The following FGF12 variants were observed in gnomAD, a reference collection of about 807,000 sequenced individuals.
FGF12 encodes the protein fibroblast growth factor 12.
FGF12 carries 14 observed loss-of-function variants against 23.6 expected under a neutral mutation model. The ratio of observed to expected loss-of-function variants is 0.59; its 90% CI spans 0.39 to 0.93. FGF12 has a LOEUF of 0.93. Among genes scored for constraint, FGF12 ranks in the 40% least tolerant of loss-of-function variants. The pLI is 0.00. For missense variants in FGF12, 175 were observed against 217.8 expected, an observed-to-expected ratio of 0.80 and a Z score of 1.24; for synonymous variants, 62 against 77.3, an observed-to-expected ratio of 0.80 and a Z score of 1.04.
chr3:192,596,230 T>C (rs1374399040), intron 2 of FGF12, among the ~76,000 whole-genome samples: 1 of 151,690 alleles, frequency 6.6e-6, no homozygotes. Flanking sequence ...CTGATGATAT[T>C]GAAAACAATG....
intron 2 of FGF12, among the ~76,000 whole-genome samples, chr3:192,397,482 GC>G (rs966591003): frequency 6.6e-6 from 1 of 152,124 alleles, no homozygotes; most frequent in Non-Finnish European, 1.5e-5. Context: ...TCTTCTCCTA[GC>G]TAGAGTCGAG....
chr3:192,286,512 C>G (rs192094980), intron 4 of FGF12, among the ~76,000 whole-genome samples: 21 of 152,024 alleles, frequency 1.4e-4, no homozygotes, highest in African/African-American at 4.8e-4. Context: ...GGGATCATGA[C>G]CAGTTTTGGT....
intron 4 of FGF12, among the ~76,000 whole-genome samples, chr3:192,221,289 TA>T (rs1718462705): frequency 6.6e-6 from 1 of 152,184 alleles, no homozygotes; most frequent in African/African-American, 2.4e-5. Flanking sequence ...CTTCTCACCT[TA>T]AAGCCACAAA....
At chr3:192,281,058 C>T (rs1714113003) in intron 4 of FGF12, among the ~76,000 whole-genome samples, 1 of 152,158 alleles carries the variant, frequency 6.6e-6, no homozygotes, top group Non-Finnish European at 1.5e-5. Context: ...TGCAGTCTCT[C>T]ACATTCAGTG....
At chr3:192,244,413 A>G (rs1253074135) in intron 4 of FGF12, among the ~76,000 whole-genome samples, 2 of 152,184 alleles carry the variant, frequency 1.3e-5, no homozygotes, top group African/African-American at 4.8e-5. Context: ...AGAAATATTA[A>G]GTGGAAAGAG....
chr3:192,698,796 C>T (rs1718205627), intron 2 of FGF12, among the ~76,000 whole-genome samples: 1 of 152,118 alleles, frequency 6.6e-6, no homozygotes, highest in Admixed American at 6.5e-5. Context: ...GGTCAAATAG[C>T]AACAGATCTT....
intron 2 of FGF12, among the ~76,000 whole-genome samples, chr3:192,494,452 T>C (rs1723888073): frequency 6.6e-6 from 1 of 152,208 alleles, no homozygotes; most frequent in Non-Finnish European, 1.5e-5. Flanking sequence ...CTCAAAATCA[T>C]CAGACCATCA....
At chr3:192,191,746 G>A (rs1483584210) in intron 4 of FGF12, among the ~76,000 whole-genome samples, 1 of 151,706 alleles carries the variant, frequency 6.6e-6, no homozygotes, top group South Asian at 2.1e-4. Context: ...TGAGGCAGGA[G>A]AATGGCACGA....
intron 2 of FGF12, among the ~76,000 whole-genome samples, chr3:192,422,030 T>C (rs1427770778): frequency 5.4e-5 from 1 of 18,406 alleles, no homozygotes. Context: ...GGTTTTTGCT[T>C]TAGTTTATTT....
chr3:192,706,439 C>G (rs1047669540), intron 2 of FGF12, among the ~76,000 whole-genome samples: 1 of 152,068 alleles, frequency 6.6e-6, no homozygotes, highest in Non-Finnish European at 1.5e-5. Context: ...GACTGACCGC[C>G]GAACAGCACC....
At chr3:192,221,401 C>T (rs1171831170) in intron 4 of FGF12, among the ~76,000 whole-genome samples, 1 of 152,094 alleles carries the variant, frequency 6.6e-6, no homozygotes, top group African/African-American at 2.4e-5. Flanking sequence ...ATACGTAGTA[C>T]TAATTAGAAT....
At position 192,580,671 on chromosome 3, in the gene FGF12, G is replaced by A. The variant is rs545821841; in HGVS notation, c.13+146510C>T. On this transcript the variant is annotated intron_variant, in intron 2 of 5. Transcript: ENST00000445105. ...TACCCAGGCTGGAGTGCAGTGGCCC[G>A]ATCTCAGCTCTCTGTAACCTCCGCC... Among the ~76,000 whole-genome samples the A allele has an allele frequency of 6.6e-5, 10 of 152,216 alleles. No homozygotes were observed. In the South Asian group the frequency reaches 1.0e-3, roughly 16 times the overall value.
intron 4 of FGF12, among the ~76,000 whole-genome samples, chr3:192,326,920 T>C (rs143988416): frequency 1.3e-5 from 2 of 152,312 alleles, no homozygotes; most frequent in East Asian, 3.9e-4. Context: ...AATAGAGTTA[T>C]TGCAAGGCTC....
intron 2 of FGF12, among the ~76,000 whole-genome samples, chr3:192,532,577 CTG>C (rs2108851811): frequency 6.6e-6 from 1 of 152,214 alleles, no homozygotes; most frequent in East Asian, 1.9e-4. Context: ...AGCAGTGCTA[CTG>C]ATTTGTGAAC....
chr3:192,420,343 A>T (rs1721486435), intron 2 of FGF12, among the ~76,000 whole-genome samples: 1 of 152,166 alleles, frequency 6.6e-6, no homozygotes, highest in Admixed American at 6.5e-5. Flanking sequence ...TTCCCACGAG[A>T]TCTACCAATT....
intron 4 of FGF12, among the ~76,000 whole-genome samples, chr3:192,243,334 A>G (rs1400276457): frequency 6.6e-6 from 1 of 151,976 alleles, no homozygotes; most frequent in Admixed American, 6.6e-5. Flanking sequence ...TGCTGTTATT[A>G]AAAAATAAAG....
intron 4 of FGF12, among the ~76,000 whole-genome samples, chr3:192,194,632 A>G (rs1386716505): frequency 6.6e-6 from 1 of 152,152 alleles, no homozygotes; most frequent in Non-Finnish European, 1.5e-5. Context: ...TGACTATCAT[A>G]TGGATGGATT....
At chr3:192,182,027 T>C (rs1457805928) in intron 4 of FGF12, among the ~76,000 whole-genome samples, 1 of 152,154 alleles carries the variant, frequency 6.6e-6, no homozygotes, top group African/African-American at 2.4e-5. Context: ...AAATGATTTT[T>C]AAAACCCAAT....
chr3:192,532,369 T>A (rs1725110259), intron 2 of FGF12, among the ~76,000 whole-genome samples: 1 of 152,196 alleles, frequency 6.6e-6, no homozygotes, highest in Non-Finnish European at 1.5e-5. Flanking sequence ...ATATTGATTC[T>A]TCCCATTTAT....
Sources: allele counts gnomAD v4.1 joint callset (sites outside exome capture counted in the v4.1 genomes callset), GRCh38; gene constraint gnomAD v4.1.1; transcripts MANE v1.5; gene names NCBI Gene and HGNC (gene_info 2026-07-23, HGNC 2026-07-21).